The following TTC27 variants were observed in gnomAD, a reference collection of about 807,000 sequenced individuals.
The protein encoded by TTC27 is tetratricopeptide repeat domain 27.
TTC27 carries 79 observed loss-of-function variants against 115.9 expected under a neutral mutation model. The ratio of observed to expected loss-of-function variants is 0.68; its 90% CI spans 0.57 to 0.82. The LOEUF is 0.82. TTC27 is among the 40% of genes least tolerant of loss of function. TTC27 has a pLI of 0.00. For missense variants in TTC27, 1,054 were observed against 993.1 expected, an observed-to-expected ratio of 1.06 and a Z score of -0.82; for synonymous variants, 401 against 356.0, an observed-to-expected ratio of 1.13 and a Z score of -1.42.
At chr2:32,672,429 G>A in intron 8 of TTC27, 45 bp downstream of exon 8, 1 of 1,395,766 alleles carries the variant, frequency 7.2e-7, no homozygotes, top group South Asian at 1.2e-5. Flanking sequence ...TTTGCATATT[G>A]ATTCTCTTAT....
chr2:32,628,388 G>A lies in TTC27; in HGVS notation c.88+8G>A, dbSNP rs1237181850. Reference sequence around the variant, plus strand: ...AGGGGGTCGTCGGTTCAGGTGAGAGGCGCACCTACCGGGCCTTAGGCTATC... The same window carrying A: ...AGGGGGTCGTCGGTTCAGGTGAGAGACGCACCTACCGGGCCTTAGGCTATC... On this transcript the variant is annotated splice_region_variant and intron_variant, in intron 1 of 19. Coordinates refer to ENST00000317907, the MANE Select transcript of TTC27 (RefSeq NM_017735.5). 6.3e-7 allele frequency: 1 copy of A among 1,583,428 alleles called. No individual in the cohort carries two copies. Among genetic ancestry groups the A allele is most frequent in the African/African-American group, 1.4e-5 (1 of 73,896 alleles).
intron 13 of TTC27, among the ~76,000 whole-genome samples, chr2:32,770,393 C>T (rs891830867): frequency 7.9e-5 from 12 of 152,282 alleles, no homozygotes; most frequent in African/African-American, 2.6e-4. Flanking sequence ...TTTCTGATTC[C>T]AGAGCTCTTG....
intron 2 of TTC27, among the ~76,000 whole-genome samples, chr2:32,631,818 CTTTTTTT>C (rs890198060): frequency 2.1e-5 from 3 of 143,898 alleles, no homozygotes; most frequent in African/African-American, 5.1e-5. Context: ...TTTCTTTTTT[CTTTTTTT>C]TTTTTGATGG....
chr2:32,706,316 C>G (rs554800621), intron 10 of TTC27, among the ~76,000 whole-genome samples: 1 of 152,012 alleles, frequency 6.6e-6, no homozygotes, highest in Admixed American at 6.6e-5. Flanking sequence ...CTCCTGACCT[C>G]AAGTTATCTG....
At chr2:32,702,584 G>C (rs901232825) in intron 9 of TTC27, among the ~76,000 whole-genome samples, 2 of 152,096 alleles carry the variant, frequency 1.3e-5, no homozygotes, top group Admixed American at 1.3e-4. Context: ...ATTAAAATTG[G>C]AAACTCCCTA....
chr2:32,628,589 G>A (rs6711579), intron 1 of TTC27, among the ~76,000 whole-genome samples: 6,155 of 152,142 alleles, frequency 0.04, 191 homozygotes, highest in African/African-American at 0.092. Context: ...CAGTAATAAT[G>A]ACAATGGCAA....
In TTC27 at chr2:32,672,080, G is replaced by T. The variant is rs2295730; in HGVS notation, c.940-192G>T. Reference sequence around the variant, plus strand: ...TTGTCATTGTTAGTGCATTCTTGAGGTATAGATGGCACATCTTTCATTTCT... The same window carrying T: ...TTGTCATTGTTAGTGCATTCTTGAGTTATAGATGGCACATCTTTCATTTCT... On this transcript the variant is annotated intron_variant, in intron 7 of 19. Transcript: ENST00000317907. Among the ~76,000 whole-genome samples, 17,914 of 152,194 alleles carry T rather than the reference G, an allele frequency of 0.12. 1,253 individuals are homozygous for T. Among genetic ancestry groups the T allele is most frequent in the South Asian group, 0.3 (1,444 of 4,816 alleles).
chr2:32,793,957 A>G (rs370474465), intron 16 of TTC27, among the ~76,000 whole-genome samples: 1 of 152,126 alleles, frequency 6.6e-6, no homozygotes, highest in African/African-American at 2.4e-5. Flanking sequence ...TTTGCTTTCT[A>G]TGTAATTTAA....
At chr2:32,777,653 A>T (rs1297498386) in intron 13 of TTC27, among the ~76,000 whole-genome samples, 1 of 152,216 alleles carries the variant, frequency 6.6e-6, no homozygotes, top group African/African-American at 2.4e-5. Flanking sequence ...TCCGTGAAAC[A>T]TATGCAATAA....
In TTC27 at chr2:32,702,844, C is replaced by T. The variant is rs1386580863; in HGVS notation, c.1157C>T (p.Thr386Ile). The T allele has an allele frequency of 6.2e-7, 1 of 1,614,094 alleles. No individual in the cohort carries two copies. Among genetic ancestry groups the T allele is most frequent in the Non-Finnish European group, 8.5e-7 (1 of 1,179,986 alleles). ...CAACCAAAGTTCTGGGCCATTCAGACATCAGCCTTGATCCTCCGGACAAAA... is the reference window on the plus strand; with the variant it reads ...CAACCAAAGTTCTGGGCCATTCAGATATCAGCCTTGATCCTCCGGACAAAA... ...LSQPKFWAIQ[T>I]SALILRTKLE... is the part of the protein sequence containing the mutation. Residue 386 changes from threonine to isoleucine, a missense_variant, in exon 10 of 20, where the codon ACA (threonine) becomes ATA (isoleucine). Physicochemically the swap from Thr to Ile is moderately conservative, Grantham distance 89 (BLOSUM62 -1). Coordinates refer to ENST00000317907, the MANE Select transcript of TTC27 (RefSeq NM_017735.5).
chr2:32,786,884 G>C (rs1288715241), intron 15 of TTC27, 100 bp from the exon 16 acceptor site: 2 of 1,054,278 alleles, frequency 1.9e-6, no homozygotes, highest in African/African-American at 3.2e-5. Flanking sequence ...GAACGAATAA[G>C]GACGGACAGT....
At chr2:32,641,012 C>A (rs1161430172) in intron 4 of TTC27, among the ~76,000 whole-genome samples, 3 of 151,856 alleles carry the variant, frequency 2.0e-5, no homozygotes, top group South Asian at 2.1e-4. Context: ...ACAACAACAA[C>A]AAAAACAAAA....
intron 10 of TTC27, among the ~76,000 whole-genome samples, chr2:32,706,863 C>T (rs985396253): frequency 2.6e-5 from 4 of 152,152 alleles, no homozygotes; most frequent in Non-Finnish European, 4.4e-5. Context: ...GCGCCTGGCC[C>T]CCTTCTTTAT....
chr2:32,693,454 GTTATTT>G (rs1444616339), intron 9 of TTC27, among the ~76,000 whole-genome samples: 1 of 152,186 alleles, frequency 6.6e-6, no homozygotes, highest in Non-Finnish European at 1.5e-5. Flanking sequence ...AGCTCTTGAA[GTTATTT>G]TTATGCTCTT....
chr2:32,749,917 A>AG (rs1421720626), intron 12 of TTC27, among the ~76,000 whole-genome samples: 1 of 152,248 alleles, frequency 6.6e-6, no homozygotes, highest in Non-Finnish European at 1.5e-5. Context: ...TGGGAAAAAA[A>AG]AAAGATTTTA....
chr2:32,691,675 G>A (rs1666816505), intron 9 of TTC27, among the ~76,000 whole-genome samples: 1 of 151,940 alleles, frequency 6.6e-6, no homozygotes, highest in Admixed American at 6.6e-5. Flanking sequence ...AACAATTGCT[G>A]AAGAGAATTG....
At position 32,811,176 on chromosome 2, in the gene TTC27, CGT is replaced by C. The variant is rs1558356204; in HGVS notation, c.2152_2153del (p.Val718IlefsTer7). Reference sequence around the variant, plus strand: ...GAGAAATCTGGAGGCTGTATGCCCACGTATATGGAAATGGGCAGAGTGAAAAG... The same window carrying C: ...GAGAAATCTGGAGGCTGTATGCCCACATATGGAAATGGGCAGAGTGAAAAG... Reference protein sequence around the residue: ...DGEIWRLYAHVYGNGQSEKPD... With the variant: ...DGEIWRLYAHXYGNGQSEKPD... On this transcript the variant is annotated frameshift_variant, in exon 17 of 20. Coordinates refer to ENST00000317907, the MANE Select transcript of TTC27 (RefSeq NM_017735.5). LOFTEE classifies it high-confidence loss of function. The C allele has an allele frequency of 6.2e-7, 1 of 1,614,028 alleles. No homozygotes were observed. The highest frequency in any genetic ancestry group is 8.5e-7 in the Non-Finnish European group (1 of 1,179,998).
At chr2:32,779,504 T>G (rs527498846) in intron 14 of TTC27, among the ~76,000 whole-genome samples, 1 of 152,302 alleles carries the variant, frequency 6.6e-6, no homozygotes, top group Non-Finnish European at 1.5e-5. Context: ...TATCCTTTTA[T>G]CATTGAGTTG....
intron 9 of TTC27, among the ~76,000 whole-genome samples, chr2:32,695,949 AAAT>A (rs567069639): frequency 6.5e-4 from 99 of 151,160 alleles, no homozygotes; most frequent in African/African-American, 2.3e-3. Flanking sequence ...AAGTAAAAAT[AAAT>A]AAACAAATAA....
Sources: allele counts gnomAD v4.1 joint callset (sites outside exome capture counted in the v4.1 genomes callset), GRCh38; gene constraint gnomAD v4.1.1; transcripts MANE v1.5; gene names NCBI Gene and HGNC (gene_info 2026-07-23, HGNC 2026-07-21).